UBE2F: variants seen among roughly 807,000 people sequenced by gnomAD.
The protein encoded by UBE2F is NEDD8-conjugating enzyme UBE2F.
In UBE2F, 5 loss-of-function variants were observed where a neutral mutation model predicts 29.6. The observed-to-expected ratio is 0.17, with a 90% confidence interval of 0.09 to 0.36. UBE2F has a LOEUF of 0.36. Ranked by LOEUF, UBE2F falls within the 10% of genes least tolerant of loss-of-function variation. UBE2F has a pLI of 1.00. For synonymous variants in UBE2F, 66 were observed against 81.8 expected (o/e 0.81, Z 1.04); for missense variants, 141 against 228.5 (o/e 0.62, Z 2.47).
chr2:237,994,083 G>A (rs1297544953), intron 3 of UBE2F, among the ~76,000 whole-genome samples: 2 of 151,388 alleles, frequency 1.3e-5, no homozygotes, highest in African/African-American at 4.9e-5. Flanking sequence ...CTAAGTCCTG[G>A]GCGCACTCTT....
At position 237,983,606 on chromosome 2, in the gene UBE2F, T is replaced by C. The variant is rs1309037327; in HGVS notation, c.119-4357T>C. On this transcript the variant is annotated intron_variant, in intron 2 of 9. Transcript: ENST00000272930. ...CACTCGGTGGTCAGCTTTGTGAGCA[T>C]TCTGGCCTCCATTGCCCCTTCCCGT... Among the ~76,000 whole-genome samples, 5 of 152,016 alleles carry C rather than the reference T, an allele frequency of 3.3e-5. No individual in the cohort carries two copies. The South Asian group carries it at 8.3e-4, about 25-fold the overall frequency.
rs1255035766 is a variant in UBE2F at position 238,010,267 on chromosome 2, G to A, written c.215-6299G>A. ...TGGCTCACTGCAACCTCTGCCTCCC[G>A]GGTTCAAGTAGTTCTTCTGCCTCAG... On this transcript the variant is annotated intron_variant, in intron 4 of 9. Transcript: ENST00000272930. 4.2e-4 allele frequency among the ~76,000 whole-genome samples: 64 copies of A among 151,880 alleles called. 3 individuals are homozygous for A. The highest frequency in any genetic ancestry group is 4.1e-3 in the Admixed American group (63 of 15,240).
chr2:237,997,567 T>C (rs1177106195), intron 4 of UBE2F, among the ~76,000 whole-genome samples: 1 of 152,206 alleles, frequency 6.6e-6, no homozygotes, highest in African/African-American at 2.4e-5. Context: ...GTTTTAACAA[T>C]ATATGAAATA....
rs937639182 is a variant in UBE2F, at chr2:237,982,326, G to A, written c.119-5637G>A. On this transcript the variant is annotated intron_variant, in intron 2 of 9. Transcript: ENST00000272930. This position sits in a 1 kb window ranked among gnomAD's most constrained non-coding sequence, Gnocchi z 4.1. Reference sequence around the variant, plus strand: ...GTTGCCCATTTCTTCCCACTCCTCCGCCCTACCACATCACAGTCTTAGCAC... The same window carrying A: ...GTTGCCCATTTCTTCCCACTCCTCCACCCTACCACATCACAGTCTTAGCAC... 6.6e-6 allele frequency among the ~76,000 whole-genome samples: 1 copy of A among 152,038 alleles called. No individual in the cohort carries two copies. The highest frequency in any genetic ancestry group is 2.4e-5 in the African/African-American group (1 of 41,392).
intron 3 of UBE2F, among the ~76,000 whole-genome samples, chr2:237,992,912 G>A (rs911736875): frequency 5.3e-5 from 8 of 151,396 alleles, no homozygotes; most frequent in Non-Finnish European, 1.2e-4. Context: ...TTTTTAAAAA[G>A]TCTTCTAAAA....
chr2:238,021,211 A>G (rs1265905635), intron 5 of UBE2F, among the ~76,000 whole-genome samples: 2 of 152,156 alleles, frequency 1.3e-5, no homozygotes, highest in Admixed American at 6.5e-5. Context: ...TAACATGACC[A>G]TGGCCAGCCC....
At chr2:237,986,238 T>G (rs1288809121) in intron 2 of UBE2F, 1 of 327,094 alleles carries the variant, frequency 3.1e-6, no homozygotes, top group Non-Finnish European at 6.0e-6. Flanking sequence ...CAGCCTCGAC[T>G]TCCCAGGCTC....
chr2:237,997,798 C>T (rs1172287132), intron 4 of UBE2F, among the ~76,000 whole-genome samples: 1 of 152,020 alleles, frequency 6.6e-6, no homozygotes, highest in Non-Finnish European at 1.5e-5. Context: ...AATAAATACA[C>T]TCTTTAGAGA....
intron 4 of UBE2F, among the ~76,000 whole-genome samples, chr2:238,001,940 A>C (rs1223828873): frequency 6.6e-6 from 1 of 152,214 alleles, no homozygotes; most frequent in African/African-American, 2.4e-5. Context: ...ATAAACGTGC[A>C]GCTTACATTG....
chr2:237,996,110 T>A (rs1018633405), intron 4 of UBE2F, among the ~76,000 whole-genome samples: 1 of 152,180 alleles, frequency 6.6e-6, no homozygotes, highest in African/African-American at 2.4e-5. Flanking sequence ...ATTGTGCTGT[T>A]TTTTACGAGA....
chr2:238,020,065 C>G (rs2064257371), intron 5 of UBE2F, among the ~76,000 whole-genome samples: 1 of 152,100 alleles, frequency 6.6e-6, no homozygotes, highest in Non-Finnish European at 1.5e-5. Flanking sequence ...CAGGGCGTCT[C>G]CAGGGGATCA....
intron 4 of UBE2F, among the ~76,000 whole-genome samples, chr2:237,999,611 C>T (rs1422438529): frequency 6.6e-6 from 1 of 152,094 alleles, no homozygotes; most frequent in African/African-American, 2.4e-5. Context: ...CCAGCTGTTT[C>T]AATGAAAAGA....
At position 238,040,059 on chromosome 2, in the gene UBE2F, G is replaced by A. The variant is rs754383033; in HGVS notation, c.508-1229G>A. Among the ~76,000 whole-genome samples, 5 of 152,184 alleles carry A rather than the reference G, an allele frequency of 3.3e-5. No homozygotes were observed. Among genetic ancestry groups the A allele is most frequent in the South Asian group, 2.1e-4 (1 of 4,826 alleles). On this transcript the variant is annotated intron_variant, in intron 9 of 9. Coordinates refer to ENST00000272930, the MANE Select transcript of UBE2F (RefSeq NM_080678.3). The surrounding 1 kb of genome is among the most constrained non-coding windows in gnomAD (Gnocchi z 4.4). The stretch of plus-strand genomic sequence containing the variant: ...ACGCCATCCTGTAGACAAATAGGGC[G>A]GTTGGCAGGGCAGAGGCACCTGGGT...
chr2:237,973,701 TAAC>T (rs1318009839), intron 2 of UBE2F: 1 of 1,301,080 alleles, frequency 7.7e-7, no homozygotes, highest in Admixed American at 2.3e-5. Flanking sequence ...ACGGAATTAA[TAAC>T]ATATAGTGTT....
chr2:237,985,504 T>G (rs2063463443), intron 2 of UBE2F, among the ~76,000 whole-genome samples: 1 of 152,236 alleles, frequency 6.6e-6, no homozygotes, highest in Admixed American at 6.5e-5. Flanking sequence ...ATGTCTAGAT[T>G]TACCCATGTT....
chr2:238,038,246 G>A (rs2064762731), intron 9 of UBE2F, among the ~76,000 whole-genome samples: 1 of 152,242 alleles, frequency 6.6e-6, no homozygotes, highest in African/African-American at 2.4e-5. Context: ...CTGGTGTGCT[G>A]CCAAGGAGGC....
At chr2:237,991,870 CTT>C (rs71402746) in intron 3 of UBE2F, among the ~76,000 whole-genome samples, 5 of 142,586 alleles carry the variant, frequency 3.5e-5, no homozygotes, top group Non-Finnish European at 6.1e-5. Context: ...TTGATAATTT[CTT>C]TTTTTTTTTT....
intron 7 of UBE2F, 65 bp from the exon 8 acceptor site, chr2:238,032,157 A>G: frequency 7.7e-7 from 1 of 1,298,780 alleles, no homozygotes; most frequent in East Asian, 2.3e-5. Flanking sequence ...TTTCTTGATC[A>G]TGGGTTTAAA....
chr2:237,983,556 C>G (rs937379114), intron 2 of UBE2F, among the ~76,000 whole-genome samples: 3 of 152,148 alleles, frequency 2.0e-5, no homozygotes, highest in Non-Finnish European at 4.4e-5. Flanking sequence ...CAGAGTAGAG[C>G]CCTCAGCTAG....
Sources: gnomAD v4.1 joint callset for allele counts (sites outside exome capture counted in the v4.1 genomes callset) on GRCh38, gnomAD v4.1.1 for gene constraint, Gnocchi (gnomAD v3.1) non-coding constraint, MANE v1.5 for transcripts, NCBI Gene and HGNC (gene_info 2026-07-23, HGNC 2026-07-21) for gene names.